Variants in SERPINB10 observed in about 807,000 individuals in gnomAD.
SERPINB10 encodes serpin B10.
In SERPINB10, 35 loss-of-function variants were observed where a neutral mutation model predicts 39.1. The ratio of observed to expected loss-of-function variants is 0.90; its 90% CI spans 0.68 to 1.19. SERPINB10 has a LOEUF of 1.19. Among genes scored for constraint, SERPINB10 ranks in the 50% most tolerant of loss-of-function variants. The pLI is 0.00. For synonymous variants in SERPINB10, 190 were observed against 158.1 expected (o/e 1.20, Z -1.52); for missense variants, 546 against 460.5 (o/e 1.19, Z -1.70).
At chr18:63,922,283 C>T (rs2050152048) in intron 5 of SERPINB10, among the ~76,000 whole-genome samples, 1 of 151,942 alleles carries the variant, frequency 6.6e-6, no homozygotes, top group South Asian at 2.1e-4. Flanking sequence ...ATTTAACTTC[C>T]ATCCTGATTT....
intron 7 of SERPINB10, among the ~76,000 whole-genome samples, chr18:63,934,239 A>G (rs1300369847): frequency 1.3e-5 from 2 of 152,214 alleles, no homozygotes; most frequent in Non-Finnish European, 2.9e-5. Flanking sequence ...CATATATAGT[A>G]TGTACACACA....
At chr18:63,916,890 A>T (rs1207753088) in intron 2 of SERPINB10, among the ~76,000 whole-genome samples, 2 of 152,044 alleles carry the variant, frequency 1.3e-5, no homozygotes, top group Non-Finnish European at 2.9e-5. Context: ...GGCAGATAAA[A>T]GTATTGCCTT....
intron 1 of SERPINB10, among the ~76,000 whole-genome samples, chr18:63,911,587 A>C (rs1439229590): frequency 6.6e-6 from 1 of 152,004 alleles, no homozygotes; most frequent in Admixed American, 6.6e-5. Context: ...AGATGTCTGT[A>C]GGTGTGCAGC....
chr18:63,934,362 T>C (rs575275371), intron 7 of SERPINB10, among the ~76,000 whole-genome samples: 4 of 152,198 alleles, frequency 2.6e-5, no homozygotes, highest in Non-Finnish European at 5.9e-5. Flanking sequence ...TCTTTCTTTT[T>C]TGACTTAGTC....
intron 1 of SERPINB10, among the ~76,000 whole-genome samples, chr18:63,912,539 G>A (rs2050072287): frequency 6.6e-6 from 1 of 151,932 alleles, no homozygotes; most frequent in Non-Finnish European, 1.5e-5. Context: ...CTATTGAGAT[G>A]ATCAGATGTT....
At chr18:63,913,322 G>A (rs924359819) in intron 1 of SERPINB10, among the ~76,000 whole-genome samples, 3 of 151,736 alleles carry the variant, frequency 2.0e-5, no homozygotes, top group African/African-American at 7.3e-5. Context: ...GGAAGTTTTA[G>A]CATTAGTTTG....
rs773612851 is a variant in SERPINB10 at position 63,919,887 on chromosome 18, G to A, written c.472G>A (p.Val158Ile). 38 of 1,608,320 alleles carry A rather than the reference G, an allele frequency of 2.4e-5. No individual in the cohort carries two copies. Among genetic ancestry groups the A allele is most frequent in the Non-Finnish European group, 3.2e-5 (38 of 1,176,982 alleles). ...AATCAGAAAGGACATCAACTCTTGG[G>A]TTGAAAGACAGACCGAGGGTAAGCT... ...DQIRKDINSW[V>I]ERQTEGKIQN... Residue 158 changes from valine (V) to isoleucine (I), a missense_variant, in exon 5 of 8, where the codon GTT (valine) becomes ATT (isoleucine). Coordinates refer to ENST00000238508, the MANE Select transcript of SERPINB10 (RefSeq NM_005024.3).
rs771832246 is a variant in SERPINB10 at position 63,919,752 on chromosome 18, ACT to A, written c.373-33_373-32del. 3.5e-6 allele frequency: 5 copies of A among 1,414,262 alleles called. No homozygotes were observed. The South Asian group carries it at 6.1e-5, about 17-fold the overall frequency. The allele number at this position is 1,414,262 out of a possible 1,614,324, so 87.6% of individuals were successfully genotyped here. A position where few individuals can be genotyped will look rare whatever the true frequency, so the allele number is the denominator to read the frequency against. ...GATTTGATTTCTCAATTTTGAACAA[ACT>A]CTACAAAAGGGGATTTTTATCTATG... On this transcript the variant is annotated intron_variant, in intron 4 of 7. Transcript: ENST00000238508.
At chr18:63,922,165 T>C (rs933242054) in intron 5 of SERPINB10, among the ~76,000 whole-genome samples, 5 of 151,982 alleles carry the variant, frequency 3.3e-5, no homozygotes, top group African/African-American at 1.2e-4. Context: ...GTTCAGAACA[T>C]TAATGTTTAT....
rs1262833879 is a variant in SERPINB10 at position 63,915,498 on chromosome 18, T to C, written c.-9-4T>C. On this transcript the variant is annotated splice_region_variant and splice_polypyrimidine_tract_variant and intron_variant, in intron 1 of 7. Coordinates refer to ENST00000238508, the MANE Select transcript of SERPINB10 (RefSeq NM_005024.3). ...CTCTCTAATTTTTGCTTTATTTTTC[T>C]TAGGTTTCCTCAATGGACTCTCTAG... 6.3e-7 allele frequency: 1 copy of C among 1,578,856 alleles called. No homozygotes were observed. Among genetic ancestry groups the C allele is most frequent in the South Asian group, 1.2e-5 (1 of 86,302 alleles).
At position 63,917,866 on chromosome 18, in the gene SERPINB10, G is replaced by A. The variant is rs73478055; in HGVS notation, c.235-99G>A. On this transcript the variant is annotated intron_variant, in intron 3 of 7. Coordinates refer to ENST00000238508, the MANE Select transcript of SERPINB10 (RefSeq NM_005024.3). Reference sequence around the variant, plus strand: ...CACTTTAGGAACATTTTCAACTTTTGTTTGCAATTCCCCAAATAATTTTAT... The same window carrying A: ...CACTTTAGGAACATTTTCAACTTTTATTTGCAATTCCCCAAATAATTTTAT... The A allele has an allele frequency of 0.011, 12,447 of 1,108,298 alleles. 1,010 individuals are homozygous for A. In the African/African-American group the frequency reaches 0.17, roughly 15 times the overall value. The allele number at this position is 1,108,298 out of a possible 1,614,324, so 68.7% of individuals were successfully genotyped here. A position where few individuals can be genotyped will look rare whatever the true frequency, so the allele number is the denominator to read the frequency against.
chr18:63,919,403 A>C (rs8099238), intron 4 of SERPINB10, among the ~76,000 whole-genome samples: 58,422 of 151,648 alleles, frequency 0.39, 14,537 homozygotes, highest in African/African-American at 0.7. Flanking sequence ...TTGGTTTCAT[A>C]CCTACCATAA....
intron 5 of SERPINB10, 144 bp downstream of exon 5, chr18:63,920,049 A>T: frequency 2.1e-6 from 1 of 467,160 alleles, no homozygotes. Context: ...ATTTCTATTC[A>T]TGTACGTAAT....
chr18:63,918,111 A>G lies in SERPINB10; in HGVS notation c.372+9A>G, dbSNP rs148462635. ...CGTATGCATTTCACAATGTAAGTGC[A>G]AATGTCTTATTTTAAGCTAATGGAA... is the stretch of plus-strand genomic sequence containing the variant. On this transcript the variant is annotated intron_variant, in intron 4 of 7. Coordinates refer to ENST00000238508, the MANE Select transcript of SERPINB10 (RefSeq NM_005024.3). 1.7e-3 allele frequency: 2,774 copies of G among 1,611,580 alleles called. 24 individuals are homozygous for G. The African/African-American group carries it at 0.025, about 15-fold the overall frequency.
intron 6 of SERPINB10, among the ~76,000 whole-genome samples, chr18:63,931,652 T>C (rs1021973659): frequency 1.3e-5 from 2 of 152,166 alleles, no homozygotes; most frequent in African/African-American, 4.8e-5. Flanking sequence ...GCACGAAGTA[T>C]AGGGCTCTCA....
At chr18:63,912,771 A>G (rs1332309194) in intron 1 of SERPINB10, among the ~76,000 whole-genome samples, 1 of 151,990 alleles carries the variant, frequency 6.6e-6, no homozygotes, top group Non-Finnish European at 1.5e-5. Flanking sequence ...AGGTTTTGGT[A>G]TCAGGATGAT....
intron 5 of SERPINB10, among the ~76,000 whole-genome samples, chr18:63,925,434 C>A (rs760278973): frequency 6.6e-6 from 1 of 151,776 alleles, no homozygotes; most frequent in Non-Finnish European, 1.5e-5. Flanking sequence ...CTGGGACAAG[C>A]GAAGTACAAG....
chr18:63,935,038 C>A lies in SERPINB10; in HGVS notation c.990C>A (p.Asn330Lys), dbSNP rs539832597. The change falls in exon 8 of 8, where the codon AAC (asparagine) becomes AAA (lysine). Residue 330 changes from asparagine (N) to lysine (K), a missense_variant. By Grantham distance (94) the Asn-to-Lys change is moderately conservative. Transcript: ENST00000238508. ...TCTCAGGAATGTCTTCAGCAAGAAA[C>A]CTATTTTTGTCCAATGTTTTCCATA... The part of the protein sequence containing the change: ...ADFSGMSSAR[N>K]LFLSNVFHKA... The A allele has an allele frequency of 3.7e-6, 6 of 1,614,146 alleles. No individual in the cohort carries two copies. The South Asian group carries it at 5.5e-5, about 15-fold the overall frequency.
chr18:63,934,918 CCT>C lies in SERPINB10; in HGVS notation c.871_872del (p.Leu291SerfsTer10), dbSNP rs1356724263. The C allele has an allele frequency of 2.5e-6, 4 of 1,614,092 alleles. No individual in the cohort carries two copies. The African/African-American group carries it at 5.3e-5, about 22-fold the overall frequency. ...TGGAGTTGTATGAAGTGCAGCTACA[CCT>C]TCCCAAGTTCAAGCTGGAAGACAGT... is the stretch of plus-strand genomic sequence containing the variant. Reference protein sequence around the residue: ...MMELYEVQLHLPKFKLEDSYD... With the variant: ...MMELYEVQLHXPKFKLEDSYD... On this transcript the variant is annotated frameshift_variant, in exon 8 of 8. Transcript: ENST00000238508. LOFTEE classifies it high-confidence loss of function.
Sources: allele counts gnomAD v4.1 joint callset (sites outside exome capture counted in the v4.1 genomes callset), GRCh38; gene constraint gnomAD v4.1.1; transcripts MANE v1.5; gene names NCBI Gene and HGNC (gene_info 2026-07-23, HGNC 2026-07-21).